The following ENTHD1 variants were observed in gnomAD, a reference collection of about 807,000 sequenced individuals.
ENTHD1 encodes the protein ENTH domain-containing protein 1.
A neutral mutation model predicts 39.1 loss-of-function variants in ENTHD1; 23 were observed. The observed-to-expected ratio is 0.59, with a 90% confidence interval of 0.42 to 0.83. The LOEUF (loss-of-function observed/expected upper bound fraction) is 0.83. Among genes scored for constraint, ENTHD1 ranks in the 40% least tolerant of loss-of-function variants. ENTHD1 has a pLI of 0.00. For missense variants in ENTHD1, 624 were observed against 705.4 expected (o/e 0.88, Z 1.31); for synonymous variants, 230 against 258.2 (o/e 0.89, Z 1.05).
At chr22:39,818,129 TACTCATCCTTGAAAC>T (rs1462464735) in intron 5 of ENTHD1, among the ~76,000 whole-genome samples, 30 of 152,184 alleles carry the variant, frequency 2.0e-4, no homozygotes, top group African/African-American at 7.2e-4. Context: ...TTTCACAAAA[TACTCATCCTTGAAAC>T]ACAGCCACGA....
At position 39,861,799 on chromosome 22, in the gene ENTHD1, A is replaced by G. The variant is rs144792592; in HGVS notation, c.558T>C (p.Tyr186=). 3.7e-5 allele frequency: 58 copies of G among 1,582,198 alleles called. No homozygotes were observed. The African/African-American group carries it at 7.1e-4, about 19-fold the overall frequency. ...TPDISASEKK[Y]KLPKFGRLHN... ...GTAACCTTCCAAACTTAGGAAGCTT[A>G]TACTTCTTCTCTGAAGCAGAAATAT... Residue 186 remains tyrosine, a synonymous_variant, in exon 3 of 7, where the codon TAT becomes TAC. Transcript: ENST00000325157.
At chr22:39,851,767 C>T (rs1211243053) in intron 3 of ENTHD1, among the ~76,000 whole-genome samples, 2 of 152,232 alleles carry the variant, frequency 1.3e-5, no homozygotes, top group Non-Finnish European at 2.9e-5. Flanking sequence ...TGCCAAGTCA[C>T]TCTGACTTCA....
intron 6 of ENTHD1, chr22:39,750,130 T>A (rs900123515): frequency 3.9e-5 from 8 of 206,818 alleles, no homozygotes; most frequent in African/African-American, 1.9e-4. Context: ...TCATAGTGAA[T>A]ATTCTGGTGT....
intron 4 of ENTHD1, among the ~76,000 whole-genome samples, chr22:39,830,330 C>T (rs2065859344): frequency 6.6e-6 from 1 of 152,160 alleles, no homozygotes; most frequent in Non-Finnish European, 1.5e-5. Context: ...CCACCTCGGC[C>T]TCCCAAAATG....
chr22:39,785,030 T>A (rs962351732), intron 5 of ENTHD1, among the ~76,000 whole-genome samples: 5 of 152,198 alleles, frequency 3.3e-5, no homozygotes, highest in African/African-American at 9.6e-5. Context: ...ACTTATCACA[T>A]GTGCCTTGAA....
intron 5 of ENTHD1, among the ~76,000 whole-genome samples, chr22:39,813,463 A>C (rs911354370): frequency 2.6e-5 from 4 of 152,228 alleles, no homozygotes; most frequent in African/African-American, 4.8e-5. Flanking sequence ...AGGTTATTTT[A>C]ATATCTGGAA....
Position 39,820,978 on chromosome 22 carries a change from C to A in ENTHD1, c.832+15G>T, listed in dbSNP as rs746063676. ...AAATCTGATAAGTAAACTTCCTATT[C>A]CTTAACCAATTTACCTGCACCCGAA... On this transcript the variant is annotated intron_variant, in intron 5 of 6. Coordinates refer to ENST00000325157, the MANE Select transcript of ENTHD1 (RefSeq NM_152512.4). The A allele has an allele frequency of 1.2e-6, 2 of 1,613,510 alleles. No individual in the cohort carries two copies. Among genetic ancestry groups the A allele is most frequent in the Non-Finnish European group, 1.7e-6 (2 of 1,179,726 alleles).
At chr22:39,826,400 T>C (rs2065826985) in intron 4 of ENTHD1, among the ~76,000 whole-genome samples, 1 of 152,166 alleles carries the variant, frequency 6.6e-6, no homozygotes, top group Admixed American at 6.5e-5. Flanking sequence ...TCATTCCTTT[T>C]TCTCTGTTGT....
intron 2 of ENTHD1, 148 bp downstream of exon 2, chr22:39,887,251 AG>A (rs2066386024): frequency 1.6e-6 from 1 of 628,784 alleles, no homozygotes; most frequent in African/African-American, 1.8e-5. Flanking sequence ...CCCAGGCCGG[AG>A]TACAGTGGCT....
At chr22:39,813,088 C>T (rs1355452677) in intron 5 of ENTHD1, among the ~76,000 whole-genome samples, 1 of 152,188 alleles carries the variant, frequency 6.6e-6, no homozygotes, top group Non-Finnish European at 1.5e-5. Context: ...CGGCCCAGTG[C>T]TTTGTCTTCA....
At chr22:39,818,273 A>G (rs754585377) in intron 5 of ENTHD1, among the ~76,000 whole-genome samples, 1 of 152,360 alleles carries the variant, frequency 6.6e-6, no homozygotes, top group Non-Finnish European at 1.5e-5. Context: ...TGAGTCAGCA[A>G]GCCTTCAGAT....
intron 4 of ENTHD1, 64 bp from the exon 5 acceptor site, chr22:39,821,177 T>C: frequency 6.4e-7 from 1 of 1,573,116 alleles, no homozygotes; most frequent in Non-Finnish European, 8.7e-7. Context: ...ATGGACAATT[T>C]ATTGAGCTAC....
intron 3 of ENTHD1, among the ~76,000 whole-genome samples, chr22:39,845,381 C>T (rs1403315740): frequency 3.9e-5 from 6 of 152,166 alleles, no homozygotes. Flanking sequence ...AACCGTTATA[C>T]TCTACCACCT....
intron 5 of ENTHD1, among the ~76,000 whole-genome samples, chr22:39,787,390 AT>A (rs1209365069): frequency 6.6e-6 from 1 of 152,188 alleles, no homozygotes; most frequent in Non-Finnish European, 1.5e-5. Flanking sequence ...CTTAGGTTAA[AT>A]TAAAAGAGAA....
chr22:39,806,752 C>T (rs1345618411), intron 5 of ENTHD1, among the ~76,000 whole-genome samples: 1 of 152,082 alleles, frequency 6.6e-6, no homozygotes, highest in Non-Finnish European at 1.5e-5. Context: ...CTTCAGAGCC[C>T]AGAGGAGGAG....
At chr22:39,748,831 A>G (rs1361732121) in intron 6 of ENTHD1, among the ~76,000 whole-genome samples, 1 of 152,132 alleles carries the variant, frequency 6.6e-6, no homozygotes, top group Non-Finnish European at 1.5e-5. Context: ...TCAAAATGTG[A>G]CTGCAGTAGC....
At chr22:39,838,935 G>A (rs1227726897) in intron 3 of ENTHD1, among the ~76,000 whole-genome samples, 1 of 151,956 alleles carries the variant, frequency 6.6e-6, no homozygotes, top group Non-Finnish European at 1.5e-5. Context: ...AGGACTTCAT[G>A]TATTTTTTTT....
chr22:39,858,330 C>T (rs1304097803), intron 3 of ENTHD1, among the ~76,000 whole-genome samples: 2 of 152,210 alleles, frequency 1.3e-5, no homozygotes, highest in African/African-American at 2.4e-5. Flanking sequence ...TCTTCAGGCT[C>T]CACTTCTAAT....
At chr22:39,835,735 C>A in intron 4 of ENTHD1, 105 bp downstream of exon 4, 1 of 708,740 alleles carries the variant, frequency 1.4e-6, no homozygotes, top group Non-Finnish European at 2.3e-6. Context: ...GCCCAGTGAG[C>A]CCTGGGTCAG....
Sources: allele counts gnomAD v4.1 joint callset (sites outside exome capture counted in the v4.1 genomes callset), GRCh38; gene constraint gnomAD v4.1.1; transcripts MANE v1.5; gene names NCBI Gene and HGNC (gene_info 2026-07-23, HGNC 2026-07-21).